Variants in PRDM5 observed in about 807,000 individuals in gnomAD.
The protein encoded by PRDM5 is PR/SET domain 5, also known as PR domain zinc finger protein 5.
Under a neutral mutation model 81.2 loss-of-function variants are expected in PRDM5, and 56 were observed. The ratio of observed to expected loss-of-function variants is 0.69; its 90% confidence interval spans 0.56 to 0.86. PRDM5 has a LOEUF of 0.86. PRDM5 is among the 40% of genes least tolerant of loss of function. The pLI is 0.00. For missense variants in PRDM5, 697 were observed against 770.1 expected (o/e 0.91, Z 1.12); for synonymous variants, 267 against 256.4 (o/e 1.04, Z -0.39).
At chr4:120,839,478 C>T (rs189060593) in intron 3 of PRDM5, among the ~76,000 whole-genome samples, 5 of 152,286 alleles carry the variant, frequency 3.3e-5, no homozygotes, top group Non-Finnish European at 7.4e-5. Flanking sequence ...CAGTTCTCAG[C>T]AGAGAGGGTA....
chr4:120,801,884 T>C (rs998870391), intron 8 of PRDM5, among the ~76,000 whole-genome samples: 4 of 152,258 alleles, frequency 2.6e-5, no homozygotes, highest in Middle Eastern at 3.4e-3. Context: ...CTGTAATATA[T>C]ATAATTTTAT....
intron 3 of PRDM5, among the ~76,000 whole-genome samples, chr4:120,823,977 C>T (rs1755627371): frequency 6.6e-6 from 1 of 152,198 alleles, no homozygotes; most frequent in African/African-American, 2.4e-5. Flanking sequence ...TGGCACCCTC[C>T]TTATCCCCTC....
Position 120,816,924 on chromosome 4 carries a change from A to C in PRDM5, c.651T>G (p.His217Gln). The change falls in exon 6 of 16, where the codon CAT (histidine) becomes CAG (glutamine). Residue 217 changes from histidine to glutamine, a missense_variant and splice_region_variant. His to Gln is a conservative substitution (Grantham distance 24). Transcript: ENST00000264808. ...TGCTTTTCGCTGTGCACTGAAGAAC[A>C]CTAAAGGGAAATAGGAAAAAGAGAA... ...KFPVKQALQR[H>Q]VLQCTAKSSL... The C allele has an allele frequency of 6.2e-7, 1 of 1,608,648 alleles. No individual in the cohort carries two copies. The highest frequency in any genetic ancestry group is 8.5e-7 in the Non-Finnish European group (1 of 1,174,952).
intron 2 of PRDM5, among the ~76,000 whole-genome samples, chr4:120,883,701 T>C (rs1028875970): frequency 2.0e-5 from 3 of 152,128 alleles, no homozygotes; most frequent in African/African-American, 7.2e-5. Context: ...CTGCACATTG[T>C]GCACATGTAC....
intron 2 of PRDM5, among the ~76,000 whole-genome samples, chr4:120,899,903 G>T (rs77348440): frequency 6.6e-5 from 10 of 152,220 alleles, no homozygotes; most frequent in Non-Finnish European, 4.4e-5. Flanking sequence ...GAGGCTAAAA[G>T]TATTCAGGAG....
intron 14 of PRDM5, among the ~76,000 whole-genome samples, chr4:120,720,091 AC>A (rs1738374417): frequency 6.6e-6 from 1 of 151,908 alleles, no homozygotes; most frequent in African/African-American, 2.4e-5. Context: ...TCTCTCCCCA[AC>A]CCCAGCATAG....
At chr4:120,917,035 C>T (rs116312387) in intron 1 of PRDM5, among the ~76,000 whole-genome samples, 94 of 152,314 alleles carry the variant, frequency 6.2e-4, no homozygotes, top group African/African-American at 2.2e-3. Flanking sequence ...CTCTGCAGTG[C>T]CCTCTCATTT....
At chr4:120,742,640 C>T (rs1742230968) in intron 14 of PRDM5, among the ~76,000 whole-genome samples, 2 of 152,136 alleles carry the variant, frequency 1.3e-5, no homozygotes, top group Non-Finnish European at 2.9e-5. Context: ...ATGCAAAAGC[C>T]TCAGGAGCCG....
At chr4:120,734,868 C>T (rs962667392) in intron 14 of PRDM5, among the ~76,000 whole-genome samples, 2 of 152,188 alleles carry the variant, frequency 1.3e-5, no homozygotes, top group African/African-American at 4.8e-5. Context: ...CATACAGCAC[C>T]CTGGGATACT....
At chr4:120,857,894 A>G (rs1052798296) in intron 2 of PRDM5, among the ~76,000 whole-genome samples, 2 of 152,202 alleles carry the variant, frequency 1.3e-5, no homozygotes, top group African/African-American at 2.4e-5. Context: ...TTTTCCTTCA[A>G]TCATTTCAAA....
At chr4:120,755,890 C>T (rs558765618) in intron 13 of PRDM5, among the ~76,000 whole-genome samples, 1 of 152,280 alleles carries the variant, frequency 6.6e-6, no homozygotes, top group Non-Finnish European at 1.5e-5. Context: ...GGGAGAAGCA[C>T]CCAGGATTCT....
At chr4:120,724,978 G>A (rs1219099331) in intron 14 of PRDM5, among the ~76,000 whole-genome samples, 2 of 152,156 alleles carry the variant, frequency 1.3e-5, no homozygotes, top group African/African-American at 4.8e-5. Flanking sequence ...ACTTAAAAAT[G>A]CTGAAAAAAC....
At chr4:120,774,788 G>C (rs1041332671) in intron 13 of PRDM5, among the ~76,000 whole-genome samples, 3 of 151,798 alleles carry the variant, frequency 2.0e-5, no homozygotes, top group Non-Finnish European at 2.9e-5. Context: ...AATCTGGTTA[G>C]AAGTAAATAA....
intron 2 of PRDM5, among the ~76,000 whole-genome samples, chr4:120,878,381 C>T (rs1321904887): frequency 1.3e-5 from 2 of 152,158 alleles, no homozygotes; most frequent in African/African-American, 4.8e-5. Context: ...TATGTAGACA[C>T]AGACTTTATA....
intron 13 of PRDM5, among the ~76,000 whole-genome samples, chr4:120,776,589 T>C (rs1259330162): frequency 6.6e-6 from 1 of 152,222 alleles, no homozygotes; most frequent in Non-Finnish European, 1.5e-5. Context: ...CAAGGGCTTA[T>C]CTATGTGATA....
At chr4:120,742,528 T>C (rs1265915834) in intron 14 of PRDM5, among the ~76,000 whole-genome samples, 3 of 151,856 alleles carry the variant, frequency 2.0e-5, no homozygotes, top group Non-Finnish European at 2.9e-5. Flanking sequence ...TTGAAAACTT[T>C]GAAAAAAATT....
At chr4:120,835,822 G>GA (rs575526262) in intron 3 of PRDM5, among the ~76,000 whole-genome samples, 4 of 151,006 alleles carry the variant, frequency 2.6e-5, no homozygotes, top group South Asian at 2.1e-4. Flanking sequence ...AAAGGCGAAA[G>GA]AAAAAAAAAG....
At chr4:120,817,389 C>T (rs1206498437) in intron 5 of PRDM5, among the ~76,000 whole-genome samples, 1 of 151,858 alleles carries the variant, frequency 6.6e-6, no homozygotes, top group East Asian at 1.9e-4. Context: ...CAATGAAACA[C>T]AAAAATGTAA....
intron 14 of PRDM5, among the ~76,000 whole-genome samples, chr4:120,711,106 T>C (rs1736915391): frequency 6.6e-6 from 1 of 152,140 alleles, no homozygotes; most frequent in South Asian, 2.1e-4. Flanking sequence ...GTCATTTCTT[T>C]TGGTTTATGG....
Sources: gnomAD v4.1 joint callset for allele counts (sites outside exome capture counted in the v4.1 genomes callset) on GRCh38, gnomAD v4.1.1 for gene constraint, MANE v1.5 for transcripts, NCBI Gene and HGNC (gene_info 2026-07-23, HGNC 2026-07-21) for gene names.